DRC10: variants seen among roughly 807,000 people sequenced by gnomAD.
DRC10 encodes dynein regulatory complex subunit 10.
At chr12:113,203,777 ATTT>A in the DRC10 span, among the ~76,000 whole-genome samples, 432 of 96,936 alleles carry the variant, frequency 4.5e-3, no homozygotes, top group African/African-American at 0.017. Context: ...TGCCCAGCTA[ATTT>A]TTTTTTTTTT....
chr12:113,197,547 C>T, the DRC10 span: 1 of 1,531,278 alleles, frequency 6.5e-7, no homozygotes, highest in Non-Finnish European at 8.8e-7. Flanking sequence ...ATACCTGCTT[C>T]TCACCCATCT....
chr12:113,205,112 C>A, the DRC10 span, among the ~76,000 whole-genome samples: 2 of 152,106 alleles, frequency 1.3e-5, no homozygotes, highest in East Asian at 1.9e-4. Flanking sequence ...TAAATGAATT[C>A]TTTAATTCCT....
chr12:113,212,069 C>CTT, the DRC10 span, among the ~76,000 whole-genome samples: 28 of 130,904 alleles, frequency 2.1e-4, no homozygotes, highest in East Asian at 4.6e-4. Flanking sequence ...TATCTCTCCT[C>CTT]TTTTTTTTTT....
At chr12:113,207,218 T>C in the DRC10 span, 2 of 603,744 alleles carry the variant, frequency 3.3e-6, no homozygotes, top group Admixed American at 2.9e-5. Context: ...CGTGGTGGCA[T>C]ACGCCTGTAA....
chr12:113,213,884 C>T, the DRC10 span, among the ~76,000 whole-genome samples: 1 of 152,030 alleles, frequency 6.6e-6, no homozygotes, highest in African/African-American at 2.4e-5. Flanking sequence ...GTGGAGGTTG[C>T]AGTGAGCCGA....
At chr12:113,200,261 A>G in the DRC10 span, 5 of 490,784 alleles carry the variant, frequency 1.0e-5, no homozygotes, top group African/African-American at 9.6e-5. Flanking sequence ...CGATGTGGGT[A>G]TTATCCCTGT....
chr12:113,220,939 G>C, the DRC10 span: 1 of 338,400 alleles, frequency 3.0e-6, no homozygotes, highest in South Asian at 2.2e-5. Flanking sequence ...AGGACAGAGG[G>C]CTGAACCCTA....
At chr12:113,212,445 A>T in the DRC10 span, among the ~76,000 whole-genome samples, 1 of 152,312 alleles carries the variant, frequency 6.6e-6, no homozygotes, top group East Asian at 1.9e-4. Context: ...AGGATGAAGG[A>T]TCTTTGCCCA....
At chr12:113,205,955 G>GCCTGTAAT in the DRC10 span, 1 of 147,416 alleles carries the variant, frequency 6.8e-6, no homozygotes, top group Non-Finnish European at 1.5e-5. Flanking sequence ...GGTGACTCAC[G>GCCTGTAAT]CCTGTAATCC....
chr12:113,212,227 G>A, the DRC10 span, among the ~76,000 whole-genome samples: 12 of 152,048 alleles, frequency 7.9e-5, no homozygotes, highest in South Asian at 2.1e-4. Context: ...GCACCACCAC[G>A]CTAGCCTAAT....
At chr12:113,203,236 GC>G in the DRC10 span, among the ~76,000 whole-genome samples, 3 of 152,090 alleles carry the variant, frequency 2.0e-5, no homozygotes, top group Non-Finnish European at 4.4e-5. Flanking sequence ...TGTTGCCCAG[GC>G]TGGTCTCAAA....
chr12:113,208,429 C>T, the DRC10 span: 3 of 1,164,382 alleles, frequency 2.6e-6, no homozygotes, highest in African/African-American at 4.7e-5. Flanking sequence ...GTGTTAGGGC[C>T]ACAAGGGCAG....
At chr12:113,215,142 T>C in the DRC10 span, among the ~76,000 whole-genome samples, 2 of 152,256 alleles carry the variant, frequency 1.3e-5, no homozygotes, top group African/African-American at 4.8e-5. Context: ...CCACAAGCTA[T>C]ATAGCCTTGG....
At chr12:113,207,999 C>T in the DRC10 span, 2 of 1,614,206 alleles carry the variant, frequency 1.2e-6, no homozygotes, top group Non-Finnish European at 8.5e-7. Flanking sequence ...TCGCCTCATC[C>T]AGGATGGACA....
At chr12:113,195,814 C>T in the DRC10 span, 2 of 1,614,020 alleles carry the variant, frequency 1.2e-6, no homozygotes, top group Admixed American at 1.7e-5. Flanking sequence ...CCCACCAGCA[C>T]TTTGTGCCTC....
the DRC10 span, chr12:113,220,962 C>T: frequency 5.7e-6 from 2 of 353,342 alleles, no homozygotes; most frequent in South Asian, 4.1e-5. Flanking sequence ...CCACATCTCC[C>T]CCGATCCGCG....
the DRC10 span, chr12:113,197,605 T>C: frequency 8.5e-6 from 13 of 1,526,050 alleles, no homozygotes; most frequent in Non-Finnish European, 9.7e-6. Context: ...TTCCACTTTA[T>C]ATTTCTTCTA....
At chr12:113,218,036 C>A in the DRC10 span, among the ~76,000 whole-genome samples, 6 of 152,068 alleles carry the variant, frequency 3.9e-5, no homozygotes, top group African/African-American at 1.4e-4. Flanking sequence ...GGTAGAGGCT[C>A]GTAATATTGC....
At chr12:113,202,832 C>G in the DRC10 span, among the ~76,000 whole-genome samples, 1 of 152,164 alleles carries the variant, frequency 6.6e-6, no homozygotes, top group Non-Finnish European at 1.5e-5. Context: ...TCCGGTGTTT[C>G]CACTACAGAG....
Sources: gnomAD v4.1 joint callset for allele counts (sites outside exome capture counted in the v4.1 genomes callset) on GRCh38, gnomAD v4.1.1 for gene constraint, MANE v1.5 for transcripts, NCBI Gene and HGNC (gene_info 2026-07-23, HGNC 2026-07-21) for gene names.